ACSF2: variants seen among roughly 807,000 people sequenced by gnomAD.
ACSF2 encodes acyl-CoA synthetase family member 2.
In ACSF2, 52 loss-of-function variants were observed where a neutral mutation model predicts 79.3. That is an observed-to-expected ratio of 0.66 (90% CI 0.53 to 0.83). The LOEUF (loss-of-function observed/expected upper bound fraction) is 0.83. Among genes scored for constraint, ACSF2 ranks in the 40% least tolerant of loss-of-function variants. ACSF2 has a pLI of 0.00. For missense variants in ACSF2, 661 were observed against 803.3 expected, an observed-to-expected ratio of 0.82 and a Z score of 2.14; for synonymous variants, 283 against 312.6, an observed-to-expected ratio of 0.91 and a Z score of 1.00.
At chr17:50,426,892 C>T (rs991314652) in intron 1 of ACSF2, 3 of 1,535,702 alleles carry the variant, frequency 2.0e-6, no homozygotes, top group Non-Finnish European at 2.6e-6. Flanking sequence ...GGCCTATTTC[C>T]TTCTGTCCTC....
intron 1 of ACSF2, among the ~76,000 whole-genome samples, chr17:50,437,591 G>C (rs1735547363): frequency 6.6e-6 from 1 of 152,096 alleles, no homozygotes; most frequent in African/African-American, 2.4e-5. Context: ...AGAAGTTTCA[G>C]GCTGCAGTGG....
intron 1 of ACSF2, among the ~76,000 whole-genome samples, chr17:50,427,626 A>C (rs1915120532): frequency 6.6e-6 from 1 of 152,148 alleles, no homozygotes; most frequent in South Asian, 2.1e-4. Flanking sequence ...GACTCTGAGG[A>C]AAGTTACTTC....
intron 1 of ACSF2, among the ~76,000 whole-genome samples, chr17:50,455,548 G>T (rs1367138197): frequency 6.6e-6 from 1 of 152,134 alleles, no homozygotes; most frequent in Non-Finnish European, 1.5e-5. Flanking sequence ...GAAAAGGGGA[G>T]ACTTGGAGCT....
chr17:50,460,819 T>G lies in ACSF2; in HGVS notation c.271T>G (p.Leu91Val). ...TAQRVPEREA[L>V]VVLHEDVRLT... ...ACAGAGGGTCCCAGAACGAGAGGCC[T>G]TGGTCGTCCTCCATGAAGACGTCAG... is the stretch of plus-strand genomic sequence containing the variant. The change falls in exon 2 of 16, where the codon TTG (leucine) becomes GTG (valine). Residue 91 changes from leucine to valine, a missense_variant. Physicochemically the swap from Leu to Val is conservative, Grantham distance 32 (BLOSUM62 1). Transcript: ENST00000300441. The G allele has an allele frequency of 1.2e-6, 2 of 1,612,242 alleles. No individual in the cohort carries two copies. Among genetic ancestry groups the G allele is most frequent in the Non-Finnish European group, 1.7e-6 (2 of 1,179,086 alleles).
chr17:50,456,646 C>T (rs1379533338), intron 1 of ACSF2, among the ~76,000 whole-genome samples: 1 of 151,892 alleles, frequency 6.6e-6, no homozygotes, highest in Non-Finnish European at 1.5e-5. Flanking sequence ...GCAGGAGAAT[C>T]GTTTGAACCC....
Position 50,460,673 on chromosome 17 carries a change from A to C in ACSF2, c.129-4A>C. ...AGTCAAACCCATAGCTCCTCTCCCTACAGTTCCAGAGAGGTGGATCGCATG... is the reference window on the plus strand; with the variant it reads ...AGTCAAACCCATAGCTCCTCTCCCTCCAGTTCCAGAGAGGTGGATCGCATG... On this transcript the variant is annotated splice_polypyrimidine_tract_variant and splice_region_variant and intron_variant, in intron 1 of 15. Transcript: ENST00000300441. 1 of 1,608,904 alleles carries C rather than the reference A, an allele frequency of 6.2e-7. No individual in the cohort carries two copies. Among genetic ancestry groups the C allele is most frequent in the Non-Finnish European group, 8.5e-7 (1 of 1,177,158 alleles).
At chr17:50,441,824 ATTTATTTATTTATTTATT>A (rs984389492) in intron 1 of ACSF2, among the ~76,000 whole-genome samples, 64 of 151,748 alleles carry the variant, frequency 4.2e-4, no homozygotes, top group Admixed American at 7.9e-4. Context: ...GTCTTTATTT[ATTTATTTATTTATTTATT>A]TTTATTTATT....
chr17:50,455,879 A>C (rs1173152080), intron 1 of ACSF2, among the ~76,000 whole-genome samples: 2 of 152,022 alleles, frequency 1.3e-5, no homozygotes, highest in African/African-American at 4.8e-5. Flanking sequence ...GCTTGTCCTC[A>C]CTTCCCAGGT....
intron 1 of ACSF2, among the ~76,000 whole-genome samples, chr17:50,451,976 G>A (rs1314696218): frequency 6.6e-6 from 1 of 152,186 alleles, no homozygotes; most frequent in East Asian, 1.9e-4. Flanking sequence ...GGATAAAGCA[G>A]TGAACACATT....
chr17:50,474,539 A>G lies in ACSF2; in HGVS notation c.1835A>G (p.His612Arg), dbSNP rs371032914. Residue 612 changes from histidine (H) to arginine (R), a missense_variant, in exon 16 of 16, where the codon CAT (histidine) becomes CGT (arginine). Physicochemically the swap from His to Arg is conservative, Grantham distance 29. Coordinates refer to ENST00000300441, the MANE Select transcript of ACSF2 (RefSeq NM_025149.6). The surrounding 1 kb of genome is among the most constrained non-coding windows in gnomAD (Gnocchi z 4.2). ...AAACTTCGAGAGCAGATGGAACGAC[A>G]TCTAAATCTGTGAATAAAGCAGCAG... The part of the protein sequence containing the change: ...KFKLREQMER[H>R]LNL 10 of 1,614,068 alleles carry G rather than the reference A, an allele frequency of 6.2e-6. No homozygotes were observed. In the African/African-American group the frequency reaches 1.2e-4, roughly 19 times the overall value.
At chr17:50,458,149 C>T (rs1054814261) in intron 1 of ACSF2, among the ~76,000 whole-genome samples, 2 of 152,162 alleles carry the variant, frequency 1.3e-5, no homozygotes, top group African/African-American at 2.4e-5. Context: ...GAGGGATCAG[C>T]CCATAAACAC....
intron 1 of ACSF2, among the ~76,000 whole-genome samples, chr17:50,438,823 T>G (rs1210944101): frequency 6.6e-6 from 1 of 152,168 alleles, no homozygotes; most frequent in Non-Finnish European, 1.5e-5. Flanking sequence ...TGTCTCCGAC[T>G]CCCAAAGTGC....
At chr17:50,429,313 A>G (rs1915310298) in intron 1 of ACSF2, among the ~76,000 whole-genome samples, 2 of 151,916 alleles carry the variant, frequency 1.3e-5, no homozygotes, top group Admixed American at 1.3e-4. Flanking sequence ...ATCCCTGGAA[A>G]CCCTTGACTG....
At chr17:50,438,947 AT>A (rs973853075) in intron 1 of ACSF2, among the ~76,000 whole-genome samples, 1 of 152,292 alleles carries the variant, frequency 6.6e-6, no homozygotes, top group South Asian at 2.1e-4. Flanking sequence ...ATCTTGTATC[AT>A]TTGATCTGTT....
intron 1 of ACSF2, among the ~76,000 whole-genome samples, chr17:50,443,187 C>T (rs774018098): frequency 6.4e-4 from 97 of 152,144 alleles, no homozygotes; most frequent in Admixed American, 1.4e-3. Flanking sequence ...GGATTACAGG[C>T]GTGAGCCACC....
intron 1 of ACSF2, 127 bp from the exon 2 acceptor site, chr17:50,460,550 G>A: frequency 1.2e-6 from 1 of 809,758 alleles, no homozygotes; most frequent in Non-Finnish European, 1.9e-6. Flanking sequence ...AAGAAGATCT[G>A]GAGGAAACCT....
At chr17:50,438,573 CT>C (rs1033355113) in intron 1 of ACSF2, among the ~76,000 whole-genome samples, 3 of 150,898 alleles carry the variant, frequency 2.0e-5, no homozygotes, top group Non-Finnish European at 3.0e-5. Context: ...TTTTCTTTTT[CT>C]TTTTTTTTGG....
In ACSF2 at chr17:50,471,242, A is replaced by G. The variant is rs968139450; in HGVS notation, c.1323+107A>G. 8.0e-6 allele frequency: 7 copies of G among 878,092 alleles called. No individual in the cohort carries two copies. Among genetic ancestry groups the G allele is most frequent in the East Asian group, 2.6e-5 (1 of 39,174 alleles). 54.4% of individuals were successfully genotyped at this position (878,092 alleles called of 1,614,324 possible). ...AGTGAGAGAGTCAAATGGCTCACTC[A>G]GGATGCCTAGAGCCCCCCAGCAGCA... On this transcript the variant is annotated intron_variant, in intron 11 of 15. Coordinates refer to ENST00000300441, the MANE Select transcript of ACSF2 (RefSeq NM_025149.6). This position sits in a 1 kb window ranked among gnomAD's most constrained non-coding sequence, Gnocchi z 4.1.
intron 1 of ACSF2, among the ~76,000 whole-genome samples, chr17:50,458,849 A>G (rs1420952419): frequency 6.6e-6 from 1 of 152,232 alleles, no homozygotes; most frequent in East Asian, 1.9e-4. Flanking sequence ...AATGGGCCTC[A>G]GATGGGCTGG....
Sources: gnomAD v4.1 joint callset for allele counts (sites outside exome capture counted in the v4.1 genomes callset) on GRCh38, gnomAD v4.1.1 for gene constraint, Gnocchi (gnomAD v3.1) non-coding constraint, MANE v1.5 for transcripts, NCBI Gene and HGNC (gene_info 2026-07-23, HGNC 2026-07-21) for gene names.